The following TMEM150C variants were observed in gnomAD, a reference collection of about 807,000 sequenced individuals.
The protein encoded by TMEM150C is tentonin 3.
In TMEM150C, 10 loss-of-function variants were observed where a neutral mutation model predicts 29.9. The ratio of observed to expected loss-of-function variants is 0.33; its 90% CI spans 0.21 to 0.57. The LOEUF is 0.57. Among genes scored for constraint, TMEM150C ranks in the 20% least tolerant of loss-of-function variants. The pLI, the probability that TMEM150C is intolerant of heterozygous loss-of-function variation, is 0.88. For missense variants in TMEM150C, 251 were observed against 303.6 expected (o/e 0.83, Z 1.29); for synonymous variants, 101 against 112.5 (o/e 0.90, Z 0.64).
At chr4:82,531,576 G>A (rs772100616) in intron 1 of TMEM150C, among the ~76,000 whole-genome samples, 7 of 151,942 alleles carry the variant, frequency 4.6e-5, no homozygotes, top group Non-Finnish European at 7.4e-5. Context: ...CCAACATGGC[G>A]AAACCTCATC....
intron 2 of TMEM150C, 142 bp from the exon 3 acceptor site, chr4:82,503,254 A>G: frequency 1.5e-6 from 1 of 654,300 alleles, no homozygotes; most frequent in Non-Finnish European, 2.6e-6. Flanking sequence ...TTACCCATAG[A>G]TCATCTAGTT....
chr4:82,562,184 G>A (rs775917023), upstream of TMEM150C: 3 of 1,283,298 alleles, frequency 2.3e-6, no homozygotes, highest in Non-Finnish European at 3.0e-6. Flanking sequence ...GCCGGGTGTG[G>A]GCGGGCGAGC....
intron 6 of TMEM150C, chr4:82,494,838 T>C: frequency 2.3e-6 from 1 of 431,808 alleles, no homozygotes; most frequent in Non-Finnish European, 4.5e-6. Flanking sequence ...CAAAAAATCT[T>C]TTTCCTGACT....
rs193133702 is a variant in TMEM150C, at chr4:82,505,093, C to A, written c.-10-426G>T. Among the ~76,000 whole-genome samples, 11 of 152,296 alleles carry A rather than the reference C, an allele frequency of 7.2e-5. 1 individual carries two copies. In the East Asian group the frequency reaches 2.1e-3, roughly 29 times the overall value. The stretch of plus-strand genomic sequence containing the variant: ...AAGTGTATTTTATGAAACCATGATT[C>A]AAATTGGTATCATTATTCTCACCTA... On this transcript the variant is annotated intron_variant, in intron 1 of 7. Transcript: ENST00000449862.
rs775901024 is a variant in TMEM150C, at chr4:82,485,601, A to G, written c.660T>C (p.Tyr220=). The G allele has an allele frequency of 1.2e-6, 2 of 1,607,554 alleles. No homozygotes were observed. The highest frequency in any genetic ancestry group is 4.5e-5 in the East Asian group (2 of 44,756). ...CCTGGTACTCAGAGCAAACAATCTC[A>G]TAGCGGTAATGCCGGAACTCCACGG... ...TFAVEFRHYR[Y]EIVCSEYQEN... is the part of the protein sequence containing the mutation. The change falls in exon 8 of 8, where the codon TAT becomes TAC. Residue 220 remains tyrosine, a synonymous_variant. Coordinates refer to ENST00000449862, the MANE Select transcript of TMEM150C (RefSeq NM_001080506.3).
chr4:82,518,728 G>T (rs1724378280), intron 1 of TMEM150C, among the ~76,000 whole-genome samples: 1 of 152,134 alleles, frequency 6.6e-6, no homozygotes, highest in Non-Finnish European at 1.5e-5. Flanking sequence ...GGGCACTGTT[G>T]TACCTTTCAG....
intron 1 of TMEM150C, among the ~76,000 whole-genome samples, chr4:82,514,224 C>T (rs1724220177): frequency 6.6e-6 from 1 of 152,250 alleles, no homozygotes; most frequent in African/African-American, 2.4e-5. Context: ...GGCAAGGGGC[C>T]TTCCCATTGC....
chr4:82,514,823 G>A (rs1425727639), intron 1 of TMEM150C, among the ~76,000 whole-genome samples: 2 of 152,122 alleles, frequency 1.3e-5, no homozygotes, highest in Non-Finnish European at 2.9e-5. Context: ...GAGCTATGCT[G>A]CAGATGGCCT....
chr4:82,531,280 A>T (rs1003561978), intron 1 of TMEM150C, among the ~76,000 whole-genome samples: 1 of 152,186 alleles, frequency 6.6e-6, no homozygotes, highest in Non-Finnish European at 1.5e-5. Context: ...CGAGGATAGA[A>T]ATATAACCTG....
At chr4:82,561,060 A>G (rs1467574681) in intron 1 of TMEM150C, among the ~76,000 whole-genome samples, 1 of 152,194 alleles carries the variant, frequency 6.6e-6, no homozygotes, top group East Asian at 1.9e-4. Context: ...AATGTGTGGG[A>G]CATCATAAAG....
intron 1 of TMEM150C, among the ~76,000 whole-genome samples, chr4:82,521,486 C>G (rs1021830027): frequency 6.6e-6 from 1 of 152,194 alleles, no homozygotes; most frequent in African/African-American, 2.4e-5. Flanking sequence ...TGCGGAACAG[C>G]CTGAAAATTG....
In TMEM150C at chr4:82,536,812, T is replaced by C. The variant is rs111907816; in HGVS notation, c.-11+25094A>G. 3.9e-5 allele frequency among the ~76,000 whole-genome samples: 6 copies of C among 152,158 alleles called. 1 individual carries two copies. The highest frequency in any genetic ancestry group is 1.4e-4 in the African/African-American group (6 of 41,518). ...AAACTAGAAAAATACTTATAAGCAATAGGTCAAAGAACTGGCTAATATTCT... is the reference window on the plus strand; with the variant it reads ...AAACTAGAAAAATACTTATAAGCAACAGGTCAAAGAACTGGCTAATATTCT... On this transcript the variant is annotated intron_variant, in intron 1 of 7. Transcript: ENST00000449862.
intron 1 of TMEM150C, among the ~76,000 whole-genome samples, chr4:82,559,738 G>A (rs183269999): frequency 7.9e-5 from 12 of 152,298 alleles, no homozygotes; most frequent in Admixed American, 2.6e-4. Flanking sequence ...GATTCTAAGT[G>A]TTACAGATTC....
chr4:82,520,788 C>T (rs1223831669), intron 1 of TMEM150C, among the ~76,000 whole-genome samples: 10 of 152,088 alleles, frequency 6.6e-5, no homozygotes, highest in Admixed American at 4.6e-4. Context: ...GAAGGCAGAG[C>T]CTTGAGCCCA....
At chr4:82,539,991 GT>G (rs1725144905) in intron 1 of TMEM150C, among the ~76,000 whole-genome samples, 2 of 151,910 alleles carry the variant, frequency 1.3e-5, no homozygotes, top group Admixed American at 6.6e-5. Flanking sequence ...AAGGAGATTA[GT>G]TTGGAATTTG....
Position 82,485,447 on chromosome 4 carries a change from G to T in TMEM150C, c.*64C>A. 1 of 1,237,914 alleles carries T rather than the reference G, an allele frequency of 8.1e-7. No homozygotes were observed. The highest frequency in any genetic ancestry group is 1.2e-6 in the Non-Finnish European group (1 of 865,472). 76.7% of individuals were successfully genotyped at this position (1,237,914 alleles called of 1,614,324 possible). On this transcript the variant is annotated 3_prime_UTR_variant, in exon 8 of 8. Coordinates refer to ENST00000449862, the MANE Select transcript of TMEM150C (RefSeq NM_001080506.3). ...TGAGGTTCTATGTCAAGTCCTGTGA[G>T]TGTGTCCTACTGGCCCCTCCCCCAC...
At chr4:82,506,936 G>C (rs1432154141) in intron 1 of TMEM150C, among the ~76,000 whole-genome samples, 1 of 152,212 alleles carries the variant, frequency 6.6e-6, no homozygotes, top group African/African-American at 2.4e-5. Context: ...ATGCTTAGGA[G>C]ATCTGGTTCC....
chr4:82,497,252 A>T (rs1478486722), intron 5 of TMEM150C, among the ~76,000 whole-genome samples: 1 of 152,224 alleles, frequency 6.6e-6, no homozygotes, highest in Non-Finnish European at 1.5e-5. Flanking sequence ...CGATTAATGT[A>T]AATTATATCT....
intron 1 of TMEM150C, among the ~76,000 whole-genome samples, chr4:82,515,793 G>A (rs565468896): frequency 6.0e-5 from 9 of 150,960 alleles, no homozygotes; most frequent in African/African-American, 9.7e-5. Flanking sequence ...GTGATTTCAC[G>A]TGCCTTCCTA....
Sources: gnomAD v4.1 joint callset for allele counts (sites outside exome capture counted in the v4.1 genomes callset) on GRCh38, gnomAD v4.1.1 for gene constraint, MANE v1.5 for transcripts, NCBI Gene and HGNC (gene_info 2026-07-23, HGNC 2026-07-21) for gene names.